The following C12orf42 variants were observed in gnomAD, a reference collection of about 807,000 sequenced individuals.
C12orf42 encodes the protein chromosome 12 open reading frame 42.
Under a neutral mutation model 21.6 loss-of-function variants are expected in C12orf42, and 25 were observed. The ratio of observed to expected loss-of-function variants is 1.16; its 90% CI spans 0.84 to 1.62. The LOEUF (loss-of-function observed/expected upper bound fraction) is 1.62. Ranked by LOEUF, C12orf42 falls within the 40% of genes most tolerant of loss-of-function variation. C12orf42 has a pLI of 0.00. For missense variants in C12orf42, 483 were observed against 459.3 expected (o/e 1.05, Z -0.47); for synonymous variants, 174 against 175.0 (o/e 0.99, Z 0.05).
At chr12:103,089,855 C>G in the C12orf42 span, among the ~76,000 whole-genome samples, 1 of 152,198 alleles carries the variant, frequency 6.6e-6, no homozygotes, top group African/African-American at 2.4e-5. Context: ...AAAAACAAAA[C>G]AGGGCCTGAA....
chr12:103,389,274 C>A (rs552724426), intron 3 of C12orf42, among the ~76,000 whole-genome samples: 1 of 152,154 alleles, frequency 6.6e-6, no homozygotes, highest in African/African-American at 2.4e-5. Flanking sequence ...TACAGATTCC[C>A]ATTTCTTTCT....
At chr12:103,252,332 T>C (rs2034349965) in intron 10 of C12orf42, among the ~76,000 whole-genome samples, 1 of 152,242 alleles carries the variant, frequency 6.6e-6, no homozygotes, top group African/African-American at 2.4e-5. Flanking sequence ...CTGGGTTAAA[T>C]GGTACTTCTG....
chr12:103,489,941 C>T (rs778616337), intron 1 of C12orf42, among the ~76,000 whole-genome samples: 86 of 152,168 alleles, frequency 5.7e-4, no homozygotes, highest in Non-Finnish European at 1.2e-4. Flanking sequence ...TTCAGCTCAC[C>T]CTCCATGGGC....
intron 1 of C12orf42, among the ~76,000 whole-genome samples, chr12:103,495,579 C>G (rs1248405648): frequency 6.6e-6 from 1 of 150,552 alleles, no homozygotes; most frequent in East Asian, 1.9e-4. Flanking sequence ...ATCACCTGCT[C>G]GTCTGGGCCG....
At chr12:103,142,996 G>C in the C12orf42 span, among the ~76,000 whole-genome samples, 1 of 152,140 alleles carries the variant, frequency 6.6e-6, no homozygotes, top group Non-Finnish European at 1.5e-5. Flanking sequence ...ATCACACAAA[G>C]GGGGCAAGGT....
At chr12:103,256,232 T>C (rs1220086701) in intron 10 of C12orf42, among the ~76,000 whole-genome samples, 1 of 148,528 alleles carries the variant, frequency 6.7e-6, no homozygotes, top group African/African-American at 2.5e-5. Context: ...GTAGTTGTAG[T>C]TTTTGCTTTT....
At chr12:103,302,610 G>T in intron 5 of C12orf42, 51 bp from the exon 6 acceptor site, 1 of 1,471,390 alleles carries the variant, frequency 6.8e-7, no homozygotes, top group East Asian at 2.3e-5. Context: ...AAGCGTGCGG[G>T]ACCACACCGC....
chr12:103,424,771 G>T (rs1377702235), intron 2 of C12orf42, among the ~76,000 whole-genome samples: 1 of 152,198 alleles, frequency 6.6e-6, no homozygotes. Context: ...CTGGCTGCAG[G>T]AGTTTTTGTT....
chr12:103,164,348 C>A, the C12orf42 span: 1 of 453,424 alleles, frequency 2.2e-6, no homozygotes, highest in Middle Eastern at 3.5e-4. Context: ...CTCTCCTATC[C>A]CCTTTCATAG....
At chr12:103,207,995 A>G in the C12orf42 span, among the ~76,000 whole-genome samples, 1 of 152,212 alleles carries the variant, frequency 6.6e-6, no homozygotes, top group Admixed American at 6.5e-5. Context: ...CTACCACGTC[A>G]GGCCAGAATG....
chr12:103,465,026 T>C (rs1187894256), intron 2 of C12orf42, among the ~76,000 whole-genome samples: 1 of 152,176 alleles, frequency 6.6e-6, no homozygotes, highest in African/African-American at 2.4e-5. Context: ...TTCTTTTTAC[T>C]TTTTATTTTG....
intron 2 of C12orf42, among the ~76,000 whole-genome samples, chr12:103,420,742 A>G (rs1489193668): frequency 1.3e-5 from 2 of 151,994 alleles, no homozygotes; most frequent in Admixed American, 6.6e-5. Flanking sequence ...ACTGGTCTCG[A>G]CTTCCTGACC....
At chr12:103,269,130 T>C (rs1390352285) in intron 6 of C12orf42, among the ~76,000 whole-genome samples, 1 of 152,158 alleles carries the variant, frequency 6.6e-6, no homozygotes, top group African/African-American at 2.4e-5. Flanking sequence ...TTGTAGTGTT[T>C]TAAGGATCTC....
chr12:103,457,765 C>T (rs1214321586), intron 2 of C12orf42, among the ~76,000 whole-genome samples: 3 of 152,176 alleles, frequency 2.0e-5, no homozygotes, highest in South Asian at 2.1e-4. Context: ...CGTTTATATG[C>T]TCTGCCCTCC....
intron 2 of C12orf42, among the ~76,000 whole-genome samples, chr12:103,474,313 C>T (rs772171171): frequency 9.2e-5 from 14 of 152,074 alleles, no homozygotes; most frequent in Non-Finnish European, 1.6e-4. Flanking sequence ...ATTACCAAAA[C>T]GGAAAATTGT....
rs771581801 is a variant in C12orf42, at chr12:103,376,867, C to T, written c.148-7869G>A. Among the ~76,000 whole-genome samples, 217 of 152,002 alleles carry T rather than the reference C, an allele frequency of 1.4e-3. 2 individuals are homozygous for T. The highest frequency in any genetic ancestry group is 3.4e-3 in the Middle Eastern group (1 of 294). On this transcript the variant is annotated intron_variant, in intron 3 of 5. Coordinates refer to ENST00000548883, the MANE Select transcript of C12orf42 (RefSeq NM_198521.5). ...TTTTCTTTTTTAGGAATAATTTTCTCCCCTCTGTGTTCTCATTCTCTCTCT... is the reference window on the plus strand; with the variant it reads ...TTTTCTTTTTTAGGAATAATTTTCTTCCCTCTGTGTTCTCATTCTCTCTCT...
chr12:103,472,837 T>G (rs1953736445), intron 2 of C12orf42, among the ~76,000 whole-genome samples: 1 of 152,180 alleles, frequency 6.6e-6, no homozygotes, highest in Non-Finnish European at 1.5e-5. Context: ...CCTGTACCCA[T>G]GGGGAAGACG....
At chr12:103,403,624 C>G (rs1026084975) in intron 2 of C12orf42, among the ~76,000 whole-genome samples, 5 of 152,158 alleles carry the variant, frequency 3.3e-5, no homozygotes, top group Non-Finnish European at 7.4e-5. Flanking sequence ...GCCTTTGAAC[C>G]CCAGCTGCTG....
chr12:103,118,808 T>C, the C12orf42 span, among the ~76,000 whole-genome samples: 2 of 139,030 alleles, frequency 1.4e-5, no homozygotes, highest in African/African-American at 5.6e-5. Context: ...AAAAAAATAC[T>C]AGTTTTATAC....
Sources: gnomAD v4.1 joint callset for allele counts (sites outside exome capture counted in the v4.1 genomes callset) on GRCh38, gnomAD v4.1.1 for gene constraint, MANE v1.5 for transcripts, NCBI Gene and HGNC (gene_info 2026-07-23, HGNC 2026-07-21) for gene names.